SYBU: variants seen among roughly 807,000 people sequenced by gnomAD.
SYBU encodes the protein syntabulin.
Under a neutral mutation model 35.9 loss-of-function variants are expected in SYBU, and 21 were observed. The observed-to-expected ratio is 0.58, with a 90% CI of 0.41 to 0.84. SYBU has a LOEUF of 0.84. SYBU is among the 40% of genes least tolerant of loss of function. SYBU has a pLI of 0.00. For synonymous variants in SYBU, 319 were observed against 324.3 expected, an observed-to-expected ratio of 0.98 and a Z score of 0.18; for missense variants, 768 against 848.2, an observed-to-expected ratio of 0.91 and a Z score of 1.17.
intron 3 of SYBU, among the ~76,000 whole-genome samples, chr8:109,601,495 TACAG>T (rs957928349): frequency 6.6e-6 from 1 of 152,094 alleles, no homozygotes; most frequent in Non-Finnish European, 1.5e-5. Flanking sequence ...AGTTAGACTA[TACAG>T]ACAAACAACC....
At chr8:109,605,623 G>A (rs1487881714) in intron 3 of SYBU, among the ~76,000 whole-genome samples, 1 of 152,078 alleles carries the variant, frequency 6.6e-6, no homozygotes, top group Non-Finnish European at 1.5e-5. Flanking sequence ...ATATAATCTG[G>A]GTCAACTCTT....
intron 1 of SYBU, among the ~76,000 whole-genome samples, chr8:109,663,436 T>C (rs1200090127): frequency 6.6e-6 from 1 of 152,172 alleles, no homozygotes; most frequent in Non-Finnish European, 1.5e-5. Flanking sequence ...TTCACTTTTA[T>C]CTCATAACTT....
At chr8:109,599,696 G>A (rs766802750) in intron 3 of SYBU, among the ~76,000 whole-genome samples, 4 of 152,168 alleles carry the variant, frequency 2.6e-5, no homozygotes, top group Non-Finnish European at 5.9e-5. Flanking sequence ...TTGTGGCCCT[G>A]AGCAGTTTGT....
At chr8:109,612,533 T>C (rs1252392840) in intron 3 of SYBU, among the ~76,000 whole-genome samples, 1 of 75,312 alleles carries the variant, frequency 1.3e-5, no homozygotes, top group Non-Finnish European at 2.5e-5. Flanking sequence ...TTCCACTCTA[T>C]GGAGACACTG....
chr8:109,581,881 C>T (rs556110775), intron 4 of SYBU, among the ~76,000 whole-genome samples: 3 of 152,306 alleles, frequency 2.0e-5, no homozygotes, highest in East Asian at 1.9e-4. Flanking sequence ...TTCAAATGAA[C>T]GCCGCTCTTC....
chr8:109,676,592 A>C (rs1817198931), intron 1 of SYBU, among the ~76,000 whole-genome samples: 1 of 152,238 alleles, frequency 6.6e-6, no homozygotes, highest in Non-Finnish European at 1.5e-5. Context: ...GCATTTAATC[A>C]ACTGTAGTCA....
chr8:109,648,752 T>G (rs921750581), upstream of SYBU: 1 of 151,266 alleles, frequency 6.6e-6, no homozygotes, highest in Non-Finnish European at 1.5e-5. Flanking sequence ...CCTAATCCTA[T>G]CAGCTGTGTG....
chr8:109,585,748 C>A (rs766874831), intron 4 of SYBU: 81 of 245,982 alleles, frequency 3.3e-4, no homozygotes, highest in Non-Finnish European at 6.0e-4. Flanking sequence ...AAGTGGGAGA[C>A]CACTAGCTTC....
At chr8:109,667,395 G>T (rs2130754078) in intron 1 of SYBU, among the ~76,000 whole-genome samples, 1 of 152,054 alleles carries the variant, frequency 6.6e-6, no homozygotes, top group Middle Eastern at 3.4e-3. Flanking sequence ...ACCAATGTGA[G>T]CCACCGTGCC....
At chr8:109,675,353 T>C (rs1178414054) in intron 1 of SYBU, among the ~76,000 whole-genome samples, 1 of 152,134 alleles carries the variant, frequency 6.6e-6, no homozygotes, top group African/African-American at 2.4e-5. Context: ...ATTCCGGAGC[T>C]GGTTTTTTGA....
In SYBU at chr8:109,625,595, A is replaced by AT. The variant is rs997635625; in HGVS notation, c.230-6557dup. 1.1e-4 allele frequency among the ~76,000 whole-genome samples: 17 copies of AT among 151,704 alleles called. No individual in the cohort carries two copies. The East Asian group carries it at 1.5e-3, about 14-fold the overall frequency. ...GGTCACTGTGTTCAGCTTATTTTTA[A>AT]TTTTTTTTAAGGGACAGAATCTTGC... On this transcript the variant is annotated intron_variant, in intron 2 of 6. Transcript: ENST00000276646.
upstream of SYBU, among the ~76,000 whole-genome samples, chr8:109,683,567 G>T (rs963600848): frequency 6.6e-6 from 1 of 152,150 alleles, no homozygotes; most frequent in African/African-American, 2.4e-5. Flanking sequence ...CTTTGTTTCA[G>T]ATGAGACTTT....
chr8:109,646,560 C>A (rs759846198), upstream of SYBU: 1 of 152,238 alleles, frequency 6.6e-6, no homozygotes, highest in African/African-American at 2.4e-5. Flanking sequence ...TCTACACCCA[C>A]AGCTGTTTCA....
chr8:109,679,019 A>C (rs1204212708), intron 1 of SYBU, among the ~76,000 whole-genome samples: 1 of 152,180 alleles, frequency 6.6e-6, no homozygotes, highest in African/African-American at 2.4e-5. Flanking sequence ...GACCTTGCTG[A>C]TAAAACAGGA....
At chr8:109,630,644 TA>T (rs904493721) in intron 2 of SYBU, among the ~76,000 whole-genome samples, 1 of 152,206 alleles carries the variant, frequency 6.6e-6, no homozygotes, top group African/African-American at 2.4e-5. Context: ...GTTCTTTTCT[TA>T]AACAAGTGGG....
At chr8:109,667,389 A>G (rs866768460) in intron 1 of SYBU, among the ~76,000 whole-genome samples, 2 of 152,012 alleles carry the variant, frequency 1.3e-5, no homozygotes, top group Admixed American at 1.3e-4. Flanking sequence ...GGGATTACCA[A>G]TGTGAGCCAC....
At chr8:109,644,875 T>A, upstream of SYBU, 1 of 556,062 alleles carries the variant, frequency 1.8e-6, no homozygotes, top group East Asian at 3.3e-5. Flanking sequence ...GGTGCCGCAC[T>A]CGCTAGAGGC....
chr8:109,644,454 C>T (rs920269066), intron 1 of SYBU, among the ~76,000 whole-genome samples, 182 bp downstream of exon 1: 1 of 152,156 alleles, frequency 6.6e-6, no homozygotes, highest in African/African-American at 2.4e-5. Flanking sequence ...GTACCACCTC[C>T]CCATCTCCTG....
upstream of SYBU, among the ~76,000 whole-genome samples, chr8:109,682,691 G>T (rs528673462): frequency 3.3e-4 from 51 of 152,332 alleles, no homozygotes; most frequent in African/African-American, 1.1e-3. Flanking sequence ...GTAACAAGGA[G>T]CCCAGTGTTA....
Sources: allele counts gnomAD v4.1 joint callset (sites outside exome capture counted in the v4.1 genomes callset), GRCh38; gene constraint gnomAD v4.1.1; transcripts MANE v1.5; gene names NCBI Gene and HGNC (gene_info 2026-07-23, HGNC 2026-07-21).